Variants in PPP2R5E observed in about 807,000 individuals in gnomAD.
PPP2R5E encodes the protein protein phosphatase 2 regulatory subunit B'epsilon.
Under a neutral mutation model 65.3 loss-of-function variants are expected in PPP2R5E, and 4 were observed. The ratio of observed to expected loss-of-function variants is 0.06; its 90% confidence interval spans 0.03 to 0.14. The LOEUF is 0.14. Ranked by LOEUF, PPP2R5E falls within the 10% of genes least tolerant of loss-of-function variation. The pLI, the probability that PPP2R5E is intolerant of heterozygous loss-of-function variation, is 1.00. For synonymous variants in PPP2R5E, 183 were observed against 187.4 expected (o/e 0.98, Z 0.19); for missense variants, 274 against 556.1 (o/e 0.49, Z 5.10).
At chr14:63,418,017 A>G (rs935189466) in intron 4 of PPP2R5E, among the ~76,000 whole-genome samples, 3 of 152,208 alleles carry the variant, frequency 2.0e-5, no homozygotes, top group Admixed American at 6.5e-5. Context: ...GATTCACGTT[A>G]GCATTTTACT....
At chr14:63,463,087 AGC>A in intron 2 of PPP2R5E, among the ~76,000 whole-genome samples, 1 of 138,250 alleles carries the variant, frequency 7.2e-6, no homozygotes. Context: ...GGGCAACAAG[AGC>A]AAAACTCCAT....
In PPP2R5E at chr14:63,371,750, C is replaced by T. The variant is rs2139710832; in HGVS notation, c.*4259G>A. On this transcript the variant is annotated 3_prime_UTR_variant, in exon 14 of 14. Transcript: ENST00000337537. The stretch of plus-strand genomic sequence containing the variant: ...GAGATGCTGTTTAAAAAAACACACA[C>T]ACAGCTAAATTTAAAACCGATCATG... 1 of 152,184 alleles carries T rather than the reference C, an allele frequency of 6.6e-6. No homozygotes were observed. The highest frequency in any genetic ancestry group is 1.9e-4 in the East Asian group (1 of 5,174). The allele number at this position is 152,184 out of a possible 1,614,324, so 9.4% of individuals were successfully genotyped here.
chr14:63,440,938 G>A (rs1461651957), intron 3 of PPP2R5E, among the ~76,000 whole-genome samples: 2 of 100,836 alleles, frequency 2.0e-5, no homozygotes, highest in African/African-American at 1.0e-4. Context: ...AACAGAGCGA[G>A]ACTCCATCTC....
intron 3 of PPP2R5E, among the ~76,000 whole-genome samples, chr14:63,444,236 T>A (rs1888370673): frequency 6.6e-6 from 1 of 152,244 alleles, no homozygotes; most frequent in African/African-American, 2.4e-5. Flanking sequence ...GGTTTGGGAA[T>A]TCCTTTGCAT....
intron 3 of PPP2R5E, among the ~76,000 whole-genome samples, chr14:63,439,853 T>G (rs532258573): frequency 6.6e-6 from 1 of 152,202 alleles, no homozygotes; most frequent in Non-Finnish European, 1.5e-5. Flanking sequence ...AACCTAAGGA[T>G]TCCTTGGCAG....
chr14:63,444,864 A>C lies in PPP2R5E; in HGVS notation c.354+8825T>G, dbSNP rs1888399472. 2.6e-5 allele frequency among the ~76,000 whole-genome samples: 4 copies of C among 152,326 alleles called. No individual in the cohort carries two copies. In the South Asian group the frequency reaches 8.3e-4, roughly 32 times the overall value. On this transcript the variant is annotated intron_variant, in intron 3 of 13. Coordinates refer to ENST00000337537, the MANE Select transcript of PPP2R5E (RefSeq NM_006246.5). ...AAAGGAGCTGGAAGTCCTGATTCTC[A>C]TTTTTTCATCAGCTATGACTCCAGG...
chr14:63,410,117 G>T (rs1177366607), intron 5 of PPP2R5E, among the ~76,000 whole-genome samples: 1 of 152,184 alleles, frequency 6.6e-6, no homozygotes, highest in African/African-American at 2.4e-5. Context: ...ATATTCAGCT[G>T]CTACAGAAAA....
At chr14:63,481,997 AT>A (rs775961974) in intron 2 of PPP2R5E, among the ~76,000 whole-genome samples, 94 of 152,370 alleles carry the variant, frequency 6.2e-4, no homozygotes, top group Admixed American at 3.5e-3. Flanking sequence ...AAATACATAT[AT>A]AAAAGTAATG....
chr14:63,503,970 CG>C (rs1250760014), intron 2 of PPP2R5E, among the ~76,000 whole-genome samples: 3 of 151,950 alleles, frequency 2.0e-5, no homozygotes, highest in Non-Finnish European at 4.4e-5. Flanking sequence ...CAAAATCACA[CG>C]CCAGTGTCCT....
chr14:63,460,968 C>A (rs74060540), intron 2 of PPP2R5E, among the ~76,000 whole-genome samples: 5,461 of 152,246 alleles, frequency 0.036, 340 homozygotes, highest in African/African-American at 0.13. Flanking sequence ...TCCAACACTG[C>A]ATGTTATCCC....
chr14:63,424,127 C>T (rs558438081), intron 3 of PPP2R5E, among the ~76,000 whole-genome samples: 9 of 152,260 alleles, frequency 5.9e-5, no homozygotes, highest in South Asian at 2.1e-4. Flanking sequence ...TAGACTGATT[C>T]AAAAAGGTAG....
At chr14:63,464,998 G>A (rs1401501262) in intron 2 of PPP2R5E, among the ~76,000 whole-genome samples, 2 of 150,736 alleles carry the variant, frequency 1.3e-5, no homozygotes, top group Non-Finnish European at 2.9e-5. Flanking sequence ...ACTCCAGCCT[G>A]GGTGACATAG....
intron 2 of PPP2R5E, among the ~76,000 whole-genome samples, chr14:63,464,797 C>T (rs1013405440): frequency 2.6e-5 from 4 of 152,000 alleles, no homozygotes; most frequent in South Asian, 2.1e-4. Flanking sequence ...CCGAGGTGAG[C>T]GGATTACCTG....
chr14:63,394,546 T>G (rs752298661), intron 7 of PPP2R5E, among the ~76,000 whole-genome samples: 38 of 152,212 alleles, frequency 2.5e-4, no homozygotes, highest in Non-Finnish European at 4.4e-4. Context: ...TCCCTTTTCC[T>G]TCTCCAAATA....
chr14:63,412,792 G>GTCTACAT (rs761075886), intron 5 of PPP2R5E, among the ~76,000 whole-genome samples: 1 of 152,180 alleles, frequency 6.6e-6, no homozygotes, highest in Non-Finnish European at 1.5e-5. Context: ...ATAGGAACCA[G>GTCTACAT]TCTACATCCT....
At chr14:63,393,347 A>G (rs1452185487) in intron 8 of PPP2R5E, among the ~76,000 whole-genome samples, 1 of 152,138 alleles carries the variant, frequency 6.6e-6, no homozygotes, top group East Asian at 1.9e-4. Flanking sequence ...CTGTGCATAG[A>G]AAAAAAATGC....
At chr14:63,457,899 A>G in intron 2 of PPP2R5E, among the ~76,000 whole-genome samples, 1 of 152,180 alleles carries the variant, frequency 6.6e-6, no homozygotes, top group Non-Finnish European at 1.5e-5. Context: ...TCCACCAAGA[A>G]AAGAATGCAA....
Position 63,448,632 on chromosome 14 carries a change from T to C in PPP2R5E, c.354+5057A>G, listed in dbSNP as rs575149520. Among the ~76,000 whole-genome samples, 34 of 151,512 alleles carry C rather than the reference T, an allele frequency of 2.2e-4. No homozygotes were observed. In the South Asian group the frequency reaches 6.5e-3, roughly 29 times the overall value. Reference sequence around the variant, plus strand: ...GGTGAAACCCTGTCTCTACTAAAAATACAAAAATTAGCCAGGCGTGGTGGC... The same window carrying C: ...GGTGAAACCCTGTCTCTACTAAAAACACAAAAATTAGCCAGGCGTGGTGGC... On this transcript the variant is annotated intron_variant, in intron 3 of 13. Transcript: ENST00000337537.
At chr14:63,459,661 T>C (rs1300415101) in intron 2 of PPP2R5E, among the ~76,000 whole-genome samples, 1 of 152,196 alleles carries the variant, frequency 6.6e-6, no homozygotes, top group African/African-American at 2.4e-5. Context: ...TTGTTGATGA[T>C]GGTGGTGATG....
Sources: allele counts gnomAD v4.1 joint callset (sites outside exome capture counted in the v4.1 genomes callset), GRCh38; gene constraint gnomAD v4.1.1; transcripts MANE v1.5; gene names NCBI Gene and HGNC (gene_info 2026-07-23, HGNC 2026-07-21).